Variants in SMARCC2 observed in about 807,000 individuals in gnomAD.
SMARCC2 encodes the protein SWI/SNF complex subunit SMARCC2.
Under a neutral mutation model 151.3 loss-of-function variants are expected in SMARCC2, and 15 were observed. The observed-to-expected ratio is 0.10, with a 90% CI of 0.07 to 0.15. SMARCC2 has a LOEUF of 0.15. Among genes scored for constraint, SMARCC2 ranks in the 10% least tolerant of loss-of-function variants. The pLI is 1.00. For synonymous variants in SMARCC2, 590 were observed against 609.5 expected, an observed-to-expected ratio of 0.97 and a Z score of 0.47; for missense variants, 1,031 against 1,599.7, an observed-to-expected ratio of 0.64 and a Z score of 6.06.
chr12:56,169,430 C>G, intron 25 of SMARCC2, 99 bp downstream of exon 25: 1 of 1,365,868 alleles, frequency 7.3e-7, no homozygotes, highest in Non-Finnish European at 1.0e-6. Flanking sequence ...AATAGGTCAG[C>G]ATTATTTAAG....
rs1201176825 is a variant in SMARCC2, at chr12:56,163,977, G to A, written c.3662-212C>T. On this transcript the variant is annotated intron_variant, in intron 28 of 28. Transcript: ENST00000550164. ...GACTCTCTATATGGGGCATTTGAAC[G>A]TGATAGGAATAAGCAAAGGGATGCC... Among the ~76,000 whole-genome samples the A allele has an allele frequency of 3.3e-5, 5 of 152,244 alleles. No individual in the cohort carries two copies. In the South Asian group the frequency reaches 8.3e-4, roughly 25 times the overall value.
At chr12:56,173,071 T>G in intron 17 of SMARCC2, 42 bp from the exon 18 acceptor site, 2 of 1,598,978 alleles carry the variant, frequency 1.3e-6, no homozygotes, top group Non-Finnish European at 1.7e-6. Flanking sequence ...GGGCAGGAAA[T>G]GACCAGGCCA....
At chr12:56,186,099 A>G in intron 3 of SMARCC2, 56 bp downstream of exon 3, 2 of 1,254,506 alleles carry the variant, frequency 1.6e-6, no homozygotes, top group Non-Finnish European at 2.3e-6. Context: ...CCAGGGAATC[A>G]AAAAGGGGGA....
At position 56,174,772 on chromosome 12, in the gene SMARCC2, G is replaced by T. The variant is rs375562619; in HGVS notation, c.1383-8C>A. 5 of 1,529,324 alleles carry T rather than the reference G, an allele frequency of 3.3e-6. No homozygotes were observed. Among genetic ancestry groups the T allele is most frequent in the Non-Finnish European group, 4.5e-6 (5 of 1,103,894 alleles). 94.7% of individuals were successfully genotyped at this position (1,529,324 alleles called of 1,614,324 possible). A position where few individuals can be genotyped will look rare whatever the true frequency, so the allele number is the denominator to read the frequency against. On this transcript the variant is annotated splice_polypyrimidine_tract_variant and splice_region_variant and intron_variant, in intron 15 of 28. Coordinates refer to ENST00000550164, the MANE Select transcript of SMARCC2 (RefSeq NM_001330288.2). The stretch of plus-strand genomic sequence containing the variant: ...TTTCGATAGGCCAGGTAGCTTAGAA[G>T]AAAGAGAGAGAGAAACAAGAAGAAG...
At chr12:56,178,170 G>T (rs12316272) in intron 14 of SMARCC2, 77 bp from the exon 15 acceptor site, 5 of 1,188,842 alleles carry the variant, frequency 4.2e-6, no homozygotes, top group Non-Finnish European at 6.1e-6. Context: ...GAAAAGCCTA[G>T]AAGGCAAAGA....
At position 56,169,975 on chromosome 12, in the gene SMARCC2, G is replaced by A. The variant is rs1873600201; in HGVS notation, c.2413-64C>T. ...TTAGGGTGATTAGTTCTCACACAGAGGGGCCAGACGGGGAACTAAATTTAT... is the reference window on the plus strand; with the variant it reads ...TTAGGGTGATTAGTTCTCACACAGAAGGGCCAGACGGGGAACTAAATTTAT... On this transcript the variant is annotated intron_variant, in intron 23 of 28. Transcript: ENST00000550164. The A allele has an allele frequency of 2.7e-6, 4 of 1,495,000 alleles. No individual in the cohort carries two copies. In the East Asian group the frequency reaches 9.0e-5, roughly 34 times the overall value. 92.6% of individuals were successfully genotyped at this position (1,495,000 alleles called of 1,614,324 possible).
At chr12:56,174,074 A>G (rs150085823) in intron 16 of SMARCC2, among the ~76,000 whole-genome samples, 26 of 152,260 alleles carry the variant, frequency 1.7e-4, no homozygotes, top group African/African-American at 5.3e-4. Context: ...GCCAATCTCT[A>G]TATCTACCTA....
chr12:56,181,401 T>A, intron 10 of SMARCC2, 81 bp downstream of exon 10: 1 of 898,982 alleles, frequency 1.1e-6, no homozygotes. Flanking sequence ...CAGGTGGTTA[T>A]AGGAAGGGAT....
At chr12:56,187,036 C>T in intron 2 of SMARCC2, 151 bp downstream of exon 2, 1 of 676,856 alleles carries the variant, frequency 1.5e-6, no homozygotes, top group Non-Finnish European at 2.4e-6. Flanking sequence ...TAGGCCAAGC[C>T]AATAATGCCC....
At chr12:56,173,143 CA>C (rs1874273426) in intron 17 of SMARCC2, 114 bp from the exon 18 acceptor site, 3 of 795,262 alleles carry the variant, frequency 3.8e-6, no homozygotes, top group Non-Finnish European at 6.4e-6. Flanking sequence ...GCACTCATGC[CA>C]CTGTTCCATG....
intron 15 of SMARCC2, among the ~76,000 whole-genome samples, chr12:56,176,317 CGGAG>C (rs755605989): frequency 6.6e-6 from 1 of 152,162 alleles, no homozygotes; most frequent in Non-Finnish European, 1.5e-5. Context: ...AGAAAAAACA[CGGAG>C]GGACCCCCAG....
intron 14 of SMARCC2, 117 bp from the exon 15 acceptor site, chr12:56,178,210 G>A: frequency 1.0e-6 from 1 of 967,538 alleles, no homozygotes; most frequent in South Asian, 1.6e-5. Flanking sequence ...GCTGAAGTTA[G>A]AAGCTTGGGG....
intron 25 of SMARCC2, among the ~76,000 whole-genome samples, chr12:56,168,791 G>T (rs1310900166): frequency 6.6e-6 from 1 of 151,454 alleles, no homozygotes. Context: ...CCAGCCTGGG[G>T]CAACAGGGTG....
intron 15 of SMARCC2, 132 bp from the exon 16 acceptor site, chr12:56,174,896 C>T: frequency 1.6e-6 from 1 of 632,172 alleles, no homozygotes; most frequent in Non-Finnish European, 2.9e-6. Context: ...TTATTTGACT[C>T]TACATGCTGA....
rs1165582465 is a variant in SMARCC2 at position 56,163,245 on chromosome 12, A to T, written c.*444T>A. On this transcript the variant is annotated 3_prime_UTR_variant, in exon 29 of 29. Transcript: ENST00000550164. ...GGAATCTTAATTCCCCTTTCCTAAA[A>T]CTCACTCCCCCTCAAAAAATGTAAA... 1 of 151,146 alleles carries T rather than the reference A, an allele frequency of 6.6e-6. No homozygotes were observed. The highest frequency in any genetic ancestry group is 6.6e-5 in the Admixed American group (1 of 15,150). 9.4% of individuals were successfully genotyped at this position (151,146 alleles called of 1,614,324 possible).
intron 2 of SMARCC2, 109 bp from the exon 3 acceptor site, chr12:56,186,349 CTTTT>C (rs371880557): frequency 2.3e-3 from 1,223 of 532,720 alleles, no homozygotes; most frequent in East Asian, 2.6e-3. Context: ...ATTGATCTCC[CTTTT>C]TTTTTTTTTT....
At chr12:56,166,434 A>G (rs1160916867) in intron 26 of SMARCC2, among the ~76,000 whole-genome samples, 1 of 151,926 alleles carries the variant, frequency 6.6e-6, no homozygotes, top group African/African-American at 2.4e-5. Context: ...TACAGGTGTG[A>G]GCCACCGCGC....
chr12:56,181,433 T>G, intron 10 of SMARCC2, 49 bp downstream of exon 10: 1 of 1,144,446 alleles, frequency 8.7e-7, no homozygotes, highest in Non-Finnish European at 1.3e-6. Flanking sequence ...TCCTTCAACA[T>G]GATGTGGAGA....
In SMARCC2 at chr12:56,172,497, G is replaced by A. The variant is rs1874134864; in HGVS notation, c.1864-7C>T. On this transcript the variant is annotated splice_region_variant and splice_polypyrimidine_tract_variant and intron_variant, in intron 19 of 28. Coordinates refer to ENST00000550164, the MANE Select transcript of SMARCC2 (RefSeq NM_001330288.2). ...CACTGGCTGCAGCCTTGCTCTGCAG[G>A]GGAAACACAGGCAGGTGAGAAGAAA... is the stretch of plus-strand genomic sequence containing the variant. The A allele has an allele frequency of 5.6e-6, 9 of 1,605,552 alleles. No individual in the cohort carries two copies. Among genetic ancestry groups the A allele is most frequent in the African/African-American group, 1.3e-5 (1 of 74,534 alleles).
Sources: gnomAD v4.1 joint callset for allele counts (sites outside exome capture counted in the v4.1 genomes callset) on GRCh38, gnomAD v4.1.1 for gene constraint, MANE v1.5 for transcripts, NCBI Gene and HGNC (gene_info 2026-07-23, HGNC 2026-07-21) for gene names.